The following CALN1 variants were observed in gnomAD, a reference collection of about 807,000 sequenced individuals.
The protein encoded by CALN1 is calcium-binding protein 8.
A neutral mutation model predicts 30.6 loss-of-function variants in CALN1; 17 were observed. That is an observed-to-expected ratio of 0.56 (90% CI 0.38 to 0.83). The LOEUF (loss-of-function observed/expected upper bound fraction) is 0.83. Ranked by LOEUF, CALN1 falls within the 40% of genes least tolerant of loss-of-function variation. The pLI is 0.00. For missense variants in CALN1, 291 were observed against 354.9 expected (o/e 0.82, Z 1.45); for synonymous variants, 156 against 131.4 (o/e 1.19, Z -1.28).
chr7:72,061,319 G>A (rs937596146), intron 4 of CALN1, among the ~76,000 whole-genome samples: 1 of 152,154 alleles, frequency 6.6e-6, no homozygotes, highest in Non-Finnish European at 1.5e-5. Context: ...ACAGTTGTTG[G>A]AATTATCTGA....
chr7:72,239,214 C>A (rs1259633097), intron 3 of CALN1, among the ~76,000 whole-genome samples: 1 of 152,080 alleles, frequency 6.6e-6, no homozygotes, highest in African/African-American at 2.4e-5. Context: ...CTGGGAAGCA[C>A]ACCAAGACCC....
chr7:72,445,253 T>C (rs911654293), intron 1 of CALN1, among the ~76,000 whole-genome samples: 2 of 152,204 alleles, frequency 1.3e-5, no homozygotes, highest in Non-Finnish European at 2.9e-5. Flanking sequence ...AGAAGGCTGT[T>C]GACCTTTGGG....
At chr7:72,415,269 A>G (rs1807386312), upstream of CALN1, among the ~76,000 whole-genome samples, 1 of 152,254 alleles carries the variant, frequency 6.6e-6, no homozygotes. Flanking sequence ...GGTCTAATTC[A>G]TACCATTGTG....
intron 5 of CALN1, among the ~76,000 whole-genome samples, chr7:71,958,690 G>A (rs16869597): frequency 0.26 from 39,850 of 152,178 alleles, 5,981 homozygotes; most frequent in East Asian, 0.69. Flanking sequence ...ACACACTTCC[G>A]GACAACTTGC....
intron 3 of CALN1, among the ~76,000 whole-genome samples, chr7:72,262,871 G>C (rs1262192931): frequency 1.3e-5 from 2 of 152,226 alleles, no homozygotes; most frequent in African/African-American, 4.8e-5. Context: ...GCGATACAAA[G>C]TGCTGAGGTT....
At chr7:71,868,961 C>T (rs1173690563) in intron 5 of CALN1, among the ~76,000 whole-genome samples, 2 of 152,176 alleles carry the variant, frequency 1.3e-5, no homozygotes, top group Non-Finnish European at 2.9e-5. Context: ...GCTGGCTCAG[C>T]TGACCAAACT....
chr7:71,937,239 G>C (rs886888397), intron 5 of CALN1, among the ~76,000 whole-genome samples: 1 of 151,994 alleles, frequency 6.6e-6, no homozygotes, highest in Non-Finnish European at 1.5e-5. Flanking sequence ...GAACCCGGGA[G>C]ACAGAGGTTG....
intron 1 of CALN1, among the ~76,000 whole-genome samples, chr7:72,444,485 A>G (rs1808458828): frequency 6.6e-6 from 1 of 152,182 alleles, no homozygotes; most frequent in Admixed American, 6.5e-5. Context: ...GTTGAAGGTT[A>G]TGTGTCCACA....
intron 4 of CALN1, among the ~76,000 whole-genome samples, chr7:72,083,073 C>T (rs908534231): frequency 4.6e-5 from 7 of 151,654 alleles, no homozygotes; most frequent in East Asian, 2.0e-4. Flanking sequence ...TGGTGGCGGG[C>T]GCCTGTAATC....
intron 5 of CALN1, among the ~76,000 whole-genome samples, chr7:71,950,046 G>A (rs934726666): frequency 1.3e-5 from 2 of 152,112 alleles, no homozygotes; most frequent in Admixed American, 1.3e-4. Context: ...ACAGGTGTGA[G>A]CCACCGTGCC....
At chr7:71,834,009 G>A (rs1256200901) in intron 5 of CALN1, among the ~76,000 whole-genome samples, 1 of 151,888 alleles carries the variant, frequency 6.6e-6, no homozygotes, top group Non-Finnish European at 1.5e-5. Context: ...GGATCACAAG[G>A]TCAGGAGATC....
At chr7:72,296,347 G>A (rs1160015127) in intron 2 of CALN1, among the ~76,000 whole-genome samples, 1 of 137,430 alleles carries the variant, frequency 7.3e-6, no homozygotes, top group Non-Finnish European at 1.6e-5. Context: ...GTCTCTGCCC[G>A]GCTTTGGTAT....
At chr7:72,164,177 G>C (rs1390667750) in intron 3 of CALN1, among the ~76,000 whole-genome samples, 1 of 151,974 alleles carries the variant, frequency 6.6e-6, no homozygotes, top group East Asian at 1.9e-4. Context: ...AGACCAGCTT[G>C]GCCAACATGG....
At chr7:71,995,930 G>A (rs1584706859) in intron 5 of CALN1, among the ~76,000 whole-genome samples, 1 of 152,224 alleles carries the variant, frequency 6.6e-6, no homozygotes, top group Middle Eastern at 3.4e-3. Flanking sequence ...GGCTTAGGAA[G>A]CCTCCTTGTT....
chr7:72,078,850 C>A (rs1269989136), intron 4 of CALN1, among the ~76,000 whole-genome samples: 8 of 152,124 alleles, frequency 5.3e-5, no homozygotes, highest in African/African-American at 1.7e-4. Context: ...GCAGGAGAAT[C>A]GCCTGAACCT....
chr7:72,096,617 T>C (rs1266211014), intron 4 of CALN1, among the ~76,000 whole-genome samples: 3 of 152,134 alleles, frequency 2.0e-5, no homozygotes, highest in Non-Finnish European at 2.9e-5. Context: ...GGTTCGACTG[T>C]TTCAGGAAAG....
intron 5 of CALN1, among the ~76,000 whole-genome samples, chr7:71,834,858 G>A (rs369362085): frequency 2.0e-5 from 3 of 152,116 alleles, no homozygotes; most frequent in African/African-American, 2.4e-5. Context: ...TTGAGACAGC[G>A]TCTTACTCTG....
At chr7:72,474,164 A>T in the CALN1 span, among the ~76,000 whole-genome samples, 1 of 152,044 alleles carries the variant, frequency 6.6e-6, no homozygotes, top group South Asian at 2.1e-4. Context: ...TTAACATGTA[A>T]CTCCGCAATG....
chr7:72,235,649 G>A (rs1351341568), intron 3 of CALN1, among the ~76,000 whole-genome samples: 1 of 152,010 alleles, frequency 6.6e-6, no homozygotes, highest in East Asian at 1.9e-4. Context: ...TTCTAAACAT[G>A]TGGGAAAACT....
Sources: gnomAD v4.1 joint callset for allele counts (sites outside exome capture counted in the v4.1 genomes callset) on GRCh38, gnomAD v4.1.1 for gene constraint, MANE v1.5 for transcripts, NCBI Gene and HGNC (gene_info 2026-07-23, HGNC 2026-07-21) for gene names.